SPMIP2: variants seen among roughly 807,000 people sequenced by gnomAD.
SPMIP2 encodes sperm microtubule inner protein 2.
chr4:159,026,597 C>A, the SPMIP2 span: 1 of 370,858 alleles, frequency 2.7e-6, no homozygotes, highest in Non-Finnish European at 4.9e-6. Context: ...GGCAAATCTC[C>A]ATACTGCTTC....
chr4:159,039,261 A>G, the SPMIP2 span, among the ~76,000 whole-genome samples: 4 of 152,198 alleles, frequency 2.6e-5, no homozygotes, highest in African/African-American at 9.6e-5. Context: ...TTAAACGAGC[A>G]GACACTGGTT....
At chr4:158,916,916 T>C in the SPMIP2 span, among the ~76,000 whole-genome samples, 1 of 151,206 alleles carries the variant, frequency 6.6e-6, no homozygotes, top group African/African-American at 2.4e-5. Context: ...AGTGCTGGGA[T>C]TACAGGCATG....
the SPMIP2 span, among the ~76,000 whole-genome samples, chr4:158,915,954 A>G: frequency 1.3e-5 from 2 of 152,076 alleles, no homozygotes; most frequent in African/African-American, 4.8e-5. Flanking sequence ...GGATTTGCCA[A>G]CTCATTTGGA....
the SPMIP2 span, among the ~76,000 whole-genome samples, chr4:158,912,458 CACAG>C: frequency 6.6e-6 from 1 of 152,146 alleles, no homozygotes; most frequent in African/African-American, 2.4e-5. Context: ...CACCCAGTAA[CACAG>C]ACAAATTTCT....
the SPMIP2 span, among the ~76,000 whole-genome samples, chr4:159,049,913 A>C: frequency 6.6e-6 from 1 of 152,216 alleles, no homozygotes; most frequent in African/African-American, 2.4e-5. Context: ...AAGAGAGAAA[A>C]AAATTTGGTA....
chr4:159,007,451 T>C, the SPMIP2 span: 3 of 681,190 alleles, frequency 4.4e-6, no homozygotes, highest in African/African-American at 5.4e-5. Flanking sequence ...GCCAGGAGTC[T>C]GTAGTCTCAA....
At chr4:159,040,365 G>A in the SPMIP2 span, among the ~76,000 whole-genome samples, 2 of 151,824 alleles carry the variant, frequency 1.3e-5, no homozygotes, top group Non-Finnish European at 2.9e-5. Context: ...TACAGATGGG[G>A]TTTCACCGTG....
At chr4:159,055,441 C>T in the SPMIP2 span, among the ~76,000 whole-genome samples, 27 of 152,188 alleles carry the variant, frequency 1.8e-4, no homozygotes, top group East Asian at 1.9e-3. Flanking sequence ...AGTGGCTCAC[C>T]CCTGTATTCC....
At chr4:159,002,843 G>T in the SPMIP2 span, among the ~76,000 whole-genome samples, 2 of 151,700 alleles carry the variant, frequency 1.3e-5, no homozygotes, top group African/African-American at 4.8e-5. Flanking sequence ...TCTTACTGTG[G>T]ACTGCAGTCA....
the SPMIP2 span, among the ~76,000 whole-genome samples, chr4:159,022,468 A>G: frequency 1.3e-5 from 2 of 152,340 alleles, no homozygotes. Flanking sequence ...GTGAGCTTCA[A>G]GGTGCAGAAC....
At chr4:158,917,116 G>A in the SPMIP2 span, among the ~76,000 whole-genome samples, 2 of 152,342 alleles carry the variant, frequency 1.3e-5, no homozygotes. Flanking sequence ...CAGGTGTAAT[G>A]GCACACGCCT....
chr4:158,980,600 G>A, the SPMIP2 span, among the ~76,000 whole-genome samples: 2,817 of 152,308 alleles, frequency 0.018, 83 homozygotes, highest in African/African-American at 0.064. Flanking sequence ...TAGCAGACCC[G>A]CAGCAGAGAG....
At chr4:158,949,853 G>T in the SPMIP2 span, among the ~76,000 whole-genome samples, 1 of 152,182 alleles carries the variant, frequency 6.6e-6, no homozygotes, top group Admixed American at 6.5e-5. Context: ...ATATGATCTT[G>T]CTTCTATTAC....
At chr4:159,022,952 C>T in the SPMIP2 span, among the ~76,000 whole-genome samples, 1 of 151,948 alleles carries the variant, frequency 6.6e-6, no homozygotes, top group Non-Finnish European at 1.5e-5. Context: ...ATTGCTTGAA[C>T]CAGAAATTCG....
chr4:158,964,144 G>A, the SPMIP2 span, among the ~76,000 whole-genome samples: 1 of 114,370 alleles, frequency 8.7e-6, no homozygotes, highest in Admixed American at 9.8e-5. Context: ...AACAGAGTGA[G>A]ACTATCTCAA....
the SPMIP2 span, among the ~76,000 whole-genome samples, chr4:159,037,785 T>TACACAC: frequency 5.3e-3 from 634 of 118,928 alleles, 3 homozygotes; most frequent in African/African-American, 0.017. Flanking sequence ...AAACAATATA[T>TACACAC]ACACACACAC....
At chr4:158,985,313 G>C in the SPMIP2 span, among the ~76,000 whole-genome samples, 2 of 138,788 alleles carry the variant, frequency 1.4e-5, no homozygotes, top group African/African-American at 5.4e-5. Context: ...TACCAAAGCT[G>C]GGCAGAGACA....
At chr4:158,953,016 A>T in the SPMIP2 span, among the ~76,000 whole-genome samples, 1 of 152,218 alleles carries the variant, frequency 6.6e-6, no homozygotes, top group Non-Finnish European at 1.5e-5. Context: ...AAAGTTCAGA[A>T]AATTTGCAGC....
the SPMIP2 span, among the ~76,000 whole-genome samples, chr4:159,000,025 C>CA: frequency 6.7e-6 from 1 of 148,728 alleles, no homozygotes; most frequent in Non-Finnish European, 1.5e-5. Flanking sequence ...CAATTTCTTT[C>CA]TTTTTTTTTT....
Sources: allele counts gnomAD v4.1 joint callset (sites outside exome capture counted in the v4.1 genomes callset), GRCh38; gene constraint gnomAD v4.1.1; transcripts MANE v1.5; gene names NCBI Gene and HGNC (gene_info 2026-07-23, HGNC 2026-07-21).